Variants in TRRAP observed in about 807,000 individuals in gnomAD.
TRRAP encodes the protein transformation/transcription domain-associated protein.
In TRRAP, 41 loss-of-function variants were observed where a neutral mutation model predicts 438.8. The ratio of observed to expected loss-of-function variants is 0.09; its 90% CI spans 0.07 to 0.12. TRRAP has a LOEUF of 0.12. Ranked by LOEUF, TRRAP falls within the 10% of genes least tolerant of loss-of-function variation. The probability of loss-of-function intolerance (pLI) is 1.00; values close to 1 mark genes in which losing one functional copy is unlikely to be tolerated. For missense variants in TRRAP, 3,122 were observed against 5,055.1 expected (o/e 0.62, Z 11.60); for synonymous variants, 1,994 against 1,962.9 (o/e 1.02, Z -0.42).
chr7:98,986,296 T>C (rs1326731349), intron 62 of TRRAP, among the ~76,000 whole-genome samples: 4 of 152,266 alleles, frequency 2.6e-5, no homozygotes, highest in Admixed American at 2.0e-4. Flanking sequence ...CTTGGTTATA[T>C]ACCTGGGGAC....
At chr7:98,891,389 T>TTA (rs1160335951) in intron 4 of TRRAP, among the ~76,000 whole-genome samples, 1 of 150,436 alleles carries the variant, frequency 6.6e-6, no homozygotes, top group African/African-American at 2.4e-5. Context: ...TTTTTGTACT[T>TTA]TAATAGAGAC....
chr7:98,992,577 G>T (rs1793477346), intron 65 of TRRAP, among the ~76,000 whole-genome samples: 1 of 151,476 alleles, frequency 6.6e-6, no homozygotes, highest in Non-Finnish European at 1.5e-5. Flanking sequence ...GTGTGTGTGT[G>T]TGTGTGTGTG....
chr7:98,966,796 A>T (rs985075659), intron 49 of TRRAP, among the ~76,000 whole-genome samples: 11 of 152,194 alleles, frequency 7.2e-5, no homozygotes, highest in African/African-American at 2.7e-4. Flanking sequence ...TTTCACTTAG[A>T]TGCTTGCAAA....
In TRRAP at chr7:98,880,891, A is replaced by G. The variant is rs182345661; in HGVS notation, c.-61-199A>G. On this transcript the variant is annotated intron_variant, in intron 1 of 72. Coordinates refer to ENST00000456197, the MANE Select transcript of TRRAP (RefSeq NM_001375524.1). ...TACCGTAGGAAGGAACAGTATCTGC[A>G]TACAAAAATCATGTTTCAAAATTAA... is the stretch of plus-strand genomic sequence containing the variant. Among the ~76,000 whole-genome samples the G allele has an allele frequency of 2.0e-5, 3 of 152,322 alleles. No homozygotes were observed. The East Asian group carries it at 5.8e-4, about 29-fold the overall frequency.
Position 98,899,448 on chromosome 7 carries a change from T to A in TRRAP, c.660T>A (p.Leu220=). ...RTHSIIPRGS[L]SLKVLAELPI... is the part of the protein sequence containing the mutation. Reference sequence around the variant, plus strand: ...ATTCCATCATTCCGAGGGGATCACTTTCTCTGAAAGTGTTGGCAGAATTGC... The same window carrying A: ...ATTCCATCATTCCGAGGGGATCACTATCTCTGAAAGTGTTGGCAGAATTGC... The change falls in exon 9 of 73, where the codon CTT becomes CTA. Residue 220 remains leucine (L), a synonymous_variant. Transcript: ENST00000456197. 1 of 1,614,190 alleles carries A rather than the reference T, an allele frequency of 6.2e-7. No individual in the cohort carries two copies. Among genetic ancestry groups the A allele is most frequent in the Non-Finnish European group, 8.5e-7 (1 of 1,180,030 alleles).
At chr7:98,890,667 G>GTGTGTTGT (rs1795924246) in intron 4 of TRRAP, among the ~76,000 whole-genome samples, 1 of 151,820 alleles carries the variant, frequency 6.6e-6, no homozygotes, top group Non-Finnish European at 1.5e-5. Context: ...GCCAACTGAT[G>GTGTGTTGT]ACATGTGTGT....
intron 11 of TRRAP, 91 bp from the exon 12 acceptor site, chr7:98,903,288 C>T: frequency 6.5e-7 from 1 of 1,536,466 alleles, no homozygotes; most frequent in Non-Finnish European, 8.8e-7. Flanking sequence ...TCCCAAAGGT[C>T]TTACTGAATT....
In TRRAP at chr7:98,910,625, A is replaced by G; in HGVS notation, c.1812+18A>G. 1.3e-6 allele frequency: 2 copies of G among 1,599,224 alleles called. No individual in the cohort carries two copies. The highest frequency in any genetic ancestry group is 8.5e-7 in the Non-Finnish European group (1 of 1,172,632). On this transcript the variant is annotated intron_variant, in intron 16 of 72. Coordinates refer to ENST00000456197, the MANE Select transcript of TRRAP (RefSeq NM_001375524.1). ...TTTATCAGGTAAGGAAGTGCCCTCCAGCCAGGCTTTCGCATATGGAAAGTA... is the reference window on the plus strand; with the variant it reads ...TTTATCAGGTAAGGAAGTGCCCTCCGGCCAGGCTTTCGCATATGGAAAGTA...
Position 99,011,612 on chromosome 7 carries a change from C to A in TRRAP, c.11337+77C>A. ...CCCGCGCGTCACGGCCTTGCAGGAG[C>A]TGCTGATGTGCCTCACGGGCTCTGC... On this transcript the variant is annotated intron_variant, in intron 72 of 72. Transcript: ENST00000456197. The surrounding 1 kb of genome is among the most constrained non-coding windows in gnomAD (Gnocchi z 7.1). 6.6e-7 allele frequency: 1 copy of A among 1,514,176 alleles called. No individual in the cohort carries two copies. The highest frequency in any genetic ancestry group is 8.9e-7 in the Non-Finnish European group (1 of 1,122,228). 93.8% of individuals were successfully genotyped at this position (1,514,176 alleles called of 1,614,324 possible). A position where few individuals can be genotyped will look rare whatever the true frequency, so the allele number is the denominator to read the frequency against.
chr7:98,994,950 T>C lies in TRRAP; in HGVS notation c.10309+102T>C. 1 of 1,477,504 alleles carries C rather than the reference T, an allele frequency of 6.8e-7. No homozygotes were observed. The highest frequency in any genetic ancestry group is 2.3e-5 in the East Asian group (1 of 43,912). The allele number at this position is 1,477,504 out of a possible 1,614,324, so 91.5% of individuals were successfully genotyped here. ...ATTGGATCCTTGGTTTTCTGATCAC[T>C]GCACGGGGCACACTGGTTACACTCT... On this transcript the variant is annotated intron_variant, in intron 67 of 72. Coordinates refer to ENST00000456197, the MANE Select transcript of TRRAP (RefSeq NM_001375524.1). This position sits in a 1 kb window ranked among gnomAD's most constrained non-coding sequence, Gnocchi z 4.8.
intron 18 of TRRAP, among the ~76,000 whole-genome samples, chr7:98,913,810 TA>T (rs1177996195): frequency 6.6e-6 from 1 of 152,180 alleles, no homozygotes; most frequent in African/African-American, 2.4e-5. Flanking sequence ...AGCAAATGGG[TA>T]AAACCCATCC....
At chr7:99,001,725 T>C (rs1248602892) in intron 67 of TRRAP, among the ~76,000 whole-genome samples, 1 of 152,130 alleles carries the variant, frequency 6.6e-6, no homozygotes, top group Non-Finnish European at 1.5e-5. Context: ...TCCGATTCTC[T>C]AGCAGAGCTG....
Position 98,994,181 on chromosome 7 carries a change from G to A in TRRAP, c.10048-406G>A, listed in dbSNP as rs923111152. On this transcript the variant is annotated intron_variant, in intron 66 of 72. Transcript: ENST00000456197. The surrounding 1 kb of genome is among the most constrained non-coding windows in gnomAD (Gnocchi z 4.8). ...ATAGTCCACGCCTCACTGCCCAGAT[G>A]CTTACCTGGTTGAGCCCCGGGGCCA... is the stretch of plus-strand genomic sequence containing the variant. Among the ~76,000 whole-genome samples, 2 of 152,180 alleles carry A rather than the reference G, an allele frequency of 1.3e-5. No individual in the cohort carries two copies. The highest frequency in any genetic ancestry group is 2.9e-5 in the Non-Finnish European group (2 of 68,032).
rs1554406534 is a variant in TRRAP, at chr7:98,900,741, G to A, written c.897+21G>A. 7 of 1,596,930 alleles carry A rather than the reference G, an allele frequency of 4.4e-6. No homozygotes were observed. The East Asian group carries it at 1.3e-4, about 31-fold the overall frequency. ...ACCAGGTAAGGTCATTGACTTTTAT[G>A]TCAGGTTTATTGAGATAGTTTACAT... On this transcript the variant is annotated intron_variant, in intron 11 of 72. Coordinates refer to ENST00000456197, the MANE Select transcript of TRRAP (RefSeq NM_001375524.1).
rs761386201 is a variant in TRRAP at position 98,970,170 on chromosome 7, T to C, written c.7571T>C (p.Met2524Thr). ...TPIGTSCQGA[M>T]LPSITNVINL... ...ATTGGCACCAGCTGCCAAGGAGCCA[T>C]GCTCCCGTCCATCACCAACGTCATC... Residue 2524 changes from methionine (M) to threonine (T), a missense_variant, in exon 52 of 73, where the codon ATG (methionine) becomes ACG (threonine). Physicochemically the swap from Met to Thr is moderately conservative, Grantham distance 81 (BLOSUM62 -1). This residue lies in a region of TRRAP where 992 missense variants were observed against 1,281.2 expected (regional missense o/e 0.77). Coordinates refer to ENST00000456197, the MANE Select transcript of TRRAP (RefSeq NM_001375524.1). 8 of 1,613,852 alleles carry C rather than the reference T, an allele frequency of 5.0e-6. No individual in the cohort carries two copies. The African/African-American group carries it at 6.7e-5, about 13-fold the overall frequency.
intron 62 of TRRAP, 137 bp downstream of exon 62, chr7:98,985,181 G>T: frequency 3.4e-6 from 2 of 588,038 alleles, no homozygotes; most frequent in South Asian, 5.0e-5. Context: ...GATTTTTTAG[G>T]TACTGCACCT....
chr7:98,881,855 C>A, intron 2 of TRRAP, 120 bp from the exon 3 acceptor site: 1 of 1,078,744 alleles, frequency 9.3e-7, no homozygotes, highest in Non-Finnish European at 1.3e-6. Context: ...TCTATTAGGC[C>A]ATGACAGTCA....
At chr7:98,946,539 C>T (rs567914488) in intron 33 of TRRAP, among the ~76,000 whole-genome samples, 1 of 151,134 alleles carries the variant, frequency 6.6e-6, no homozygotes, top group Non-Finnish European at 1.5e-5. Context: ...TCACAACATA[C>T]ATGCACTCAC....
intron 68 of TRRAP, 28 bp downstream of exon 68, chr7:99,004,443 C>T (rs1318613993): frequency 6.2e-7 from 1 of 1,600,470 alleles, no homozygotes; most frequent in African/African-American, 1.3e-5. Flanking sequence ...GCAGGTGGAA[C>T]TAACCCACGG....
Sources: gnomAD v4.1 joint callset for allele counts (sites outside exome capture counted in the v4.1 genomes callset) on GRCh38, gnomAD v4.1.1 for gene constraint, gnomAD v4.1.1 regional missense constraint, Gnocchi (gnomAD v3.1) non-coding constraint, MANE v1.5 for transcripts, NCBI Gene and HGNC (gene_info 2026-07-23, HGNC 2026-07-21) for gene names.